The following CALN1 variants were observed in gnomAD, a reference collection of about 807,000 sequenced individuals.
The protein encoded by CALN1 is calneuron 1.
In CALN1, 17 loss-of-function variants were observed where a neutral mutation model predicts 30.6. The ratio of observed to expected loss-of-function variants is 0.56; its 90% CI spans 0.38 to 0.83. The LOEUF is 0.83. Ranked by LOEUF, CALN1 falls within the 40% of genes least tolerant of loss-of-function variation. The pLI, the probability that CALN1 is intolerant of heterozygous loss-of-function variation, is 0.00. For missense variants in CALN1, 291 were observed against 354.9 expected (o/e 0.82, Z 1.45); for synonymous variants, 156 against 131.4 (o/e 1.19, Z -1.28).
At chr7:71,851,133 G>A (rs991241437) in intron 5 of CALN1, among the ~76,000 whole-genome samples, 9 of 151,718 alleles carry the variant, frequency 5.9e-5, no homozygotes, top group Non-Finnish European at 8.8e-5. Flanking sequence ...TGAGGGTTGC[G>A]TGAACCCAAG....
At chr7:72,349,481 A>C (rs1327790491) in intron 2 of CALN1, among the ~76,000 whole-genome samples, 2 of 152,218 alleles carry the variant, frequency 1.3e-5, no homozygotes, top group Middle Eastern at 3.2e-3. Context: ...AAATTGCTGA[A>C]AACCAATGAT....
At chr7:72,407,174 A>G (rs1234149631) in intron 1 of CALN1, among the ~76,000 whole-genome samples, 1 of 152,220 alleles carries the variant, frequency 6.6e-6, no homozygotes, top group Non-Finnish European at 1.5e-5. Flanking sequence ...TCCAGTTCAA[A>G]TCCTGGCTGT....
chr7:72,085,572 T>C (rs1221841447), intron 4 of CALN1, among the ~76,000 whole-genome samples: 1 of 152,338 alleles, frequency 6.6e-6, no homozygotes, highest in Non-Finnish European at 1.5e-5. Context: ...ATAGGGCATA[T>C]GCCCCTTGGA....
intron 5 of CALN1, among the ~76,000 whole-genome samples, chr7:71,996,430 T>C (rs1562964439): frequency 6.6e-6 from 1 of 152,206 alleles, no homozygotes; most frequent in Non-Finnish European, 1.5e-5. Flanking sequence ...CCCCTCCCTG[T>C]GTCCATGTGT....
At chr7:72,257,476 G>C (rs1795991262) in intron 3 of CALN1, among the ~76,000 whole-genome samples, 1 of 152,166 alleles carries the variant, frequency 6.6e-6, no homozygotes, top group African/African-American at 2.4e-5. Context: ...TGTTGGCATG[G>C]TTGTGGTGAA....
rs184962129 is a variant in CALN1 at position 72,218,434 on chromosome 7, C to T, written c.244+60252G>A. On this transcript the variant is annotated intron_variant, in intron 3 of 6. Coordinates refer to ENST00000395275, the MANE Select transcript of CALN1 (RefSeq NM_031468.4). ...CTGCACTCCAGCCTGGGCAACAGAG[C>T]GAGACTCCATCTCAAAAAATAAAAT... 7.9e-3 allele frequency among the ~76,000 whole-genome samples: 1,196 copies of T among 151,964 alleles called. 13 individuals are homozygous for T. Among genetic ancestry groups the T allele is most frequent in the Non-Finnish European group, 0.014 (945 of 67,984 alleles).
At chr7:72,257,242 C>CGT (rs1431719770) in intron 3 of CALN1, among the ~76,000 whole-genome samples, 3 of 152,176 alleles carry the variant, frequency 2.0e-5, no homozygotes, top group African/African-American at 7.2e-5. Context: ...TCACCTTCCA[C>CGT]CAGGTCCCTC....
chr7:72,454,608 A>G, the CALN1 span, among the ~76,000 whole-genome samples: 1 of 152,216 alleles, frequency 6.6e-6, no homozygotes, highest in Admixed American at 6.5e-5. Context: ...AGAGAACAAA[A>G]CAGAAGTATT....
chr7:71,955,610 T>C (rs963286277), intron 5 of CALN1, among the ~76,000 whole-genome samples: 1 of 151,858 alleles, frequency 6.6e-6, no homozygotes, highest in African/African-American at 2.4e-5. Flanking sequence ...AAGTGGAAAA[T>C]ATTACAGAAC....
chr7:71,841,047 C>T (rs560397471), intron 5 of CALN1, among the ~76,000 whole-genome samples: 8 of 152,106 alleles, frequency 5.3e-5, no homozygotes, highest in Middle Eastern at 3.4e-3. Context: ...TTAGTGGAGA[C>T]GTTTTGCAAA....
chr7:72,066,060 C>A (rs1440123131), intron 4 of CALN1, among the ~76,000 whole-genome samples: 2 of 152,220 alleles, frequency 1.3e-5, no homozygotes, highest in Admixed American at 1.3e-4. Context: ...GTCACCTGCA[C>A]CTGTGCTGGA....
intron 3 of CALN1, among the ~76,000 whole-genome samples, chr7:72,206,134 G>A (rs778968571): frequency 6.6e-6 from 1 of 152,116 alleles, no homozygotes; most frequent in Non-Finnish European, 1.5e-5. Context: ...AACGTAATGG[G>A]CTCTTCACAG....
At chr7:72,371,594 G>C (rs1000144237) in intron 2 of CALN1, among the ~76,000 whole-genome samples, 4 of 152,142 alleles carry the variant, frequency 2.6e-5, no homozygotes, top group African/African-American at 4.8e-5. Flanking sequence ...CTGTGAGTCA[G>C]TTAACCTCTT....
intron 4 of CALN1, among the ~76,000 whole-genome samples, chr7:72,079,479 C>T (rs371861053): frequency 1.3e-5 from 2 of 152,242 alleles, no homozygotes; most frequent in East Asian, 3.9e-4. Flanking sequence ...CACGGCCACA[C>T]AGCTATTAAG....
At chr7:72,210,946 T>C (rs28371836) in intron 3 of CALN1, among the ~76,000 whole-genome samples, 37,558 of 151,718 alleles carry the variant, frequency 0.25, 5,913 homozygotes, top group East Asian at 0.68. Context: ...TCCCAGCTAC[T>C]TGGGAGGCTG....
chr7:72,294,164 C>G (rs1016417223), intron 2 of CALN1, among the ~76,000 whole-genome samples: 1 of 152,142 alleles, frequency 6.6e-6, no homozygotes, highest in African/African-American at 2.4e-5. Context: ...GAAGCAACCA[C>G]AAAAACAACA....
At chr7:71,806,728 C>CG (rs1259246269) in intron 6 of CALN1, among the ~76,000 whole-genome samples, 3 of 152,174 alleles carry the variant, frequency 2.0e-5, no homozygotes, top group Non-Finnish European at 4.4e-5. Flanking sequence ...GGACCCCCCC[C>CG]CAGGGAGCTG....
At chr7:72,472,137 T>C in the CALN1 span, among the ~76,000 whole-genome samples, 1 of 152,178 alleles carries the variant, frequency 6.6e-6, no homozygotes, top group African/African-American at 2.4e-5. Flanking sequence ...ATGCTGCTCC[T>C]CCGCTTCCAA....
intron 5 of CALN1, among the ~76,000 whole-genome samples, chr7:71,956,147 C>T (rs1796950198): frequency 6.6e-6 from 1 of 152,064 alleles, no homozygotes; most frequent in Non-Finnish European, 1.5e-5. Flanking sequence ...GCCACCATGT[C>T]CAGCTAATTT....
Sources: gnomAD v4.1 joint callset for allele counts (sites outside exome capture counted in the v4.1 genomes callset) on GRCh38, gnomAD v4.1.1 for gene constraint, MANE v1.5 for transcripts, NCBI Gene and HGNC (gene_info 2026-07-23, HGNC 2026-07-21) for gene names.